LRBA: variants seen among roughly 807,000 people sequenced by gnomAD.
LRBA encodes the protein LPS responsive beige-like anchor protein, also known as lipopolysaccharide-responsive and beige-like anchor protein.
In LRBA, 176 loss-of-function variants were observed where a neutral mutation model predicts 330.0. The observed-to-expected ratio is 0.53, with a 90% CI of 0.47 to 0.60. The LOEUF (loss-of-function observed/expected upper bound fraction) is 0.60, where lower values mean the gene tolerates loss of function less well. LRBA is among the 20% of genes least tolerant of loss of function. The pLI is 0.00. For synonymous variants in LRBA, 1,230 were observed against 1,193.0 expected, an observed-to-expected ratio of 1.03 and a Z score of -0.64; for missense variants, 3,259 against 3,444.8, an observed-to-expected ratio of 0.95 and a Z score of 1.35.
intron 53 of LRBA, among the ~76,000 whole-genome samples, chr4:150,299,893 T>C (rs1214925108): frequency 1.3e-5 from 2 of 152,052 alleles, no homozygotes; most frequent in African/African-American, 4.8e-5. Flanking sequence ...GCTTCACCAC[T>C]TCTTAAAGGT....
rs868487027 is a variant in LRBA at position 150,474,888 on chromosome 4, T to C, written c.6552-3149A>G. ...CTAAACTTAGGGGGAAAGTATTCAGTCTTTCAACATTAAGTATGATGTACG... is the reference window on the plus strand; with the variant it reads ...CTAAACTTAGGGGGAAAGTATTCAGCCTTTCAACATTAAGTATGATGTACG... On this transcript the variant is annotated intron_variant, in intron 42 of 56. Coordinates refer to ENST00000651943, the MANE Select transcript of LRBA (RefSeq NM_001364905.1). Among the ~76,000 whole-genome samples the C allele has an allele frequency of 2.0e-5, 3 of 152,200 alleles. No homozygotes were observed. In the South Asian group the frequency reaches 6.2e-4, roughly 31 times the overall value.
At chr4:150,931,806 G>A (rs1734537438) in intron 2 of LRBA, among the ~76,000 whole-genome samples, 1 of 151,172 alleles carries the variant, frequency 6.6e-6, no homozygotes, top group Admixed American at 6.6e-5. Flanking sequence ...ATATCTGGGG[G>A]AAAAAAAATC....
chr4:150,803,735 T>C (rs1468397087), intron 33 of LRBA, among the ~76,000 whole-genome samples: 1 of 152,224 alleles, frequency 6.6e-6, no homozygotes, highest in Non-Finnish European at 1.5e-5. Context: ...TAAGAACTCT[T>C]AGATTTGTTT....
chr4:150,764,650 T>A (rs1029752567), intron 34 of LRBA, among the ~76,000 whole-genome samples: 2 of 152,060 alleles, frequency 1.3e-5, no homozygotes, highest in East Asian at 3.9e-4. Context: ...AAAGAAGATA[T>A]ACAAATGGCA....
At chr4:150,511,355 T>C (rs1264448705) in intron 40 of LRBA, among the ~76,000 whole-genome samples, 1 of 152,262 alleles carries the variant, frequency 6.6e-6, no homozygotes, top group African/African-American at 2.4e-5. Context: ...CACTTGACTC[T>C]ATCTCCCTTC....
At chr4:150,455,332 C>T (rs1027481211) in intron 44 of LRBA, among the ~76,000 whole-genome samples, 23 of 151,856 alleles carry the variant, frequency 1.5e-4, no homozygotes, top group African/African-American at 4.6e-4. Flanking sequence ...CACATGCACA[C>T]ATATGTTTAT....
intron 2 of LRBA, among the ~76,000 whole-genome samples, chr4:150,989,786 A>G (rs574474225): frequency 2.0e-5 from 3 of 150,162 alleles, no homozygotes; most frequent in Non-Finnish European, 4.5e-5. Context: ...AAAGGGGGTA[A>G]AAAAAAAAAC....
intron 41 of LRBA, among the ~76,000 whole-genome samples, chr4:150,490,546 C>T (rs1758782627): frequency 1.3e-5 from 2 of 151,764 alleles, no homozygotes; most frequent in Admixed American, 6.6e-5. Context: ...ATTAAATAGA[C>T]ATATGAATCG....
chr4:150,376,467 G>C (rs1019767180), intron 47 of LRBA, among the ~76,000 whole-genome samples: 6 of 152,198 alleles, frequency 3.9e-5, no homozygotes. Context: ...AAGAGTTCAA[G>C]TATATACCCT....
intron 47 of LRBA, among the ~76,000 whole-genome samples, chr4:150,406,346 A>C (rs1387411378): frequency 6.6e-6 from 1 of 152,208 alleles, no homozygotes; most frequent in Non-Finnish European, 1.5e-5. Flanking sequence ...TTGTGCTATT[A>C]TTATGCTATC....
intron 34 of LRBA, among the ~76,000 whole-genome samples, chr4:150,779,822 A>G (rs1339837675): frequency 1.3e-5 from 2 of 152,194 alleles, no homozygotes; most frequent in African/African-American, 4.8e-5. Flanking sequence ...TTGTAAAAAG[A>G]CAACAGAAAA....
intron 36 of LRBA, among the ~76,000 whole-genome samples, chr4:150,718,325 C>T (rs568521868): frequency 2.6e-5 from 4 of 152,220 alleles, no homozygotes; most frequent in African/African-American, 7.2e-5. Context: ...ACACACAAAT[C>T]GTACATTAAA....
At chr4:150,902,609 T>G (rs1730862775) in intron 13 of LRBA, among the ~76,000 whole-genome samples, 1 of 152,234 alleles carries the variant, frequency 6.6e-6, no homozygotes, top group Non-Finnish European at 1.5e-5. Context: ...TAAAGGTTAT[T>G]TAAACCCCAG....
chr4:150,987,331 C>T (rs184378769), intron 2 of LRBA, among the ~76,000 whole-genome samples: 37 of 152,256 alleles, frequency 2.4e-4, no homozygotes, highest in African/African-American at 8.7e-4. Context: ...TGTGCTAATG[C>T]CTTAAAGGTT....
chr4:150,680,726 C>T (rs1427749406), intron 37 of LRBA, among the ~76,000 whole-genome samples: 7 of 152,086 alleles, frequency 4.6e-5, no homozygotes, highest in Non-Finnish European at 8.8e-5. Context: ...TCAAATGCCA[C>T]ATGCTGAGGC....
At chr4:150,911,766 G>T (rs754435761) in intron 9 of LRBA, among the ~76,000 whole-genome samples, 3 of 152,042 alleles carry the variant, frequency 2.0e-5, no homozygotes, top group Non-Finnish European at 4.4e-5. Flanking sequence ...AGGAGAATTG[G>T]CATTAATTCT....
intron 26 of LRBA, among the ~76,000 whole-genome samples, chr4:150,846,539 A>G (rs1233138551): frequency 2.0e-5 from 3 of 151,780 alleles, no homozygotes; most frequent in African/African-American, 4.8e-5. Flanking sequence ...CAAAAAAAAA[A>G]AAAGAAAGAA....
chr4:150,506,600 A>G lies in LRBA; in HGVS notation c.6331-15565T>C, dbSNP rs534696468. Among the ~76,000 whole-genome samples the G allele has an allele frequency of 1.4e-4, 22 of 152,326 alleles. No homozygotes were observed. The East Asian group carries it at 4.2e-3, about 29-fold the overall frequency. Reference sequence around the variant, plus strand: ...TCTCAAAATAATAAGAGCTATCTATAACAAACCCACAGCCAATATCATACT... The same window carrying G: ...TCTCAAAATAATAAGAGCTATCTATGACAAACCCACAGCCAATATCATACT... On this transcript the variant is annotated intron_variant, in intron 40 of 56. Coordinates refer to ENST00000651943, the MANE Select transcript of LRBA (RefSeq NM_001364905.1).
chr4:150,437,507 C>A (rs6824216), intron 44 of LRBA, among the ~76,000 whole-genome samples: 75,189 of 137,182 alleles, frequency 0.55, 20,241 homozygotes, highest in Middle Eastern at 0.65. Context: ...CTCTCTCTCT[C>A]TATATATATA....
Sources: allele counts gnomAD v4.1 joint callset (sites outside exome capture counted in the v4.1 genomes callset), GRCh38; gene constraint gnomAD v4.1.1; transcripts MANE v1.5; gene names NCBI Gene and HGNC (gene_info 2026-07-23, HGNC 2026-07-21).